DYSF: variants seen among roughly 807,000 people sequenced by gnomAD.
DYSF encodes dystrophy-associated fer-1-like 1.
A neutral mutation model predicts 274.9 loss-of-function variants in DYSF; 212 were observed. That is an observed-to-expected ratio of 0.77 (90% confidence interval 0.69 to 0.86). The LOEUF (loss-of-function observed/expected upper bound fraction) is 0.86, where lower values mean the gene tolerates loss of function less well. Among genes scored for constraint, DYSF ranks in the 40% least tolerant of loss-of-function variants. The pLI is 0.00. For synonymous variants in DYSF, 1,091 were observed against 1,078.7 expected (o/e 1.01, Z -0.22); for missense variants, 2,666 against 2,783.2 (o/e 0.96, Z 0.95).
At position 71,471,965 on chromosome 2, in the gene DYSF, CA is replaced by C. The variant is rs764571920; in HGVS notation, c.91+5037del. The stretch of plus-strand genomic sequence containing the variant: ...TGGATGACAGAATGAGACTCAGTCT[CA>C]AAAACATCAATTAATTAATTAAAAA... On this transcript the variant is annotated intron_variant, in intron 1 of 55. Transcript: ENST00000410020. Among the ~76,000 whole-genome samples, 288 of 152,180 alleles carry C rather than the reference CA, an allele frequency of 1.9e-3. 4 individuals carry two copies. The highest frequency in any genetic ancestry group is 3.8e-4 in the Non-Finnish European group (26 of 67,998).
At chr2:71,566,720 C>G (rs531442892) in intron 24 of DYSF, among the ~76,000 whole-genome samples, 1 of 151,860 alleles carries the variant, frequency 6.6e-6, no homozygotes, top group African/African-American at 2.4e-5. Context: ...GTTAACCACC[C>G]GGGGGAGAGG....
At chr2:71,462,732 G>A (rs952554012), upstream of DYSF, among the ~76,000 whole-genome samples, 1 of 152,256 alleles carries the variant, frequency 6.6e-6, no homozygotes, top group Non-Finnish European at 1.5e-5. Flanking sequence ...CAGCAGAGAG[G>A]AGACCCACAT....
chr2:71,539,290 C>A, intron 17 of DYSF, 51 bp downstream of exon 17: 1 of 1,483,896 alleles, frequency 6.7e-7, no homozygotes, highest in Non-Finnish European at 9.4e-7. Flanking sequence ...CTCCCCCGTA[C>A]CCCCTCTATC....
chr2:71,477,857 G>A (rs943286066), intron 1 of DYSF, among the ~76,000 whole-genome samples: 3 of 152,198 alleles, frequency 2.0e-5, no homozygotes, highest in Admixed American at 6.5e-5. Flanking sequence ...TTATCTGAAA[G>A]TGTATTAAAA....
At chr2:71,538,577 G>A (rs2089618250) in intron 16 of DYSF, among the ~76,000 whole-genome samples, 1 of 152,196 alleles carries the variant, frequency 6.6e-6, no homozygotes, top group Non-Finnish European at 1.5e-5. Context: ...AATAATAAAA[G>A]TGCTTGTTTC....
intron 9 of DYSF, 25 bp downstream of exon 9, chr2:71,516,267 C>T (rs2086640853): frequency 1.2e-6 from 2 of 1,611,128 alleles, no homozygotes; most frequent in East Asian, 4.5e-5. Context: ...TCAAAGTGTT[C>T]TCCGTGGGCT....
chr2:71,571,625 T>A (rs1574075452), intron 29 of DYSF, among the ~76,000 whole-genome samples: 2 of 89,612 alleles, frequency 2.2e-5, no homozygotes, highest in African/African-American at 9.6e-5. Flanking sequence ...CACACACAGA[T>A]CACACCCAGC....
At chr2:71,609,731 A>G (rs962252033) in intron 36 of DYSF, among the ~76,000 whole-genome samples, 5 of 152,334 alleles carry the variant, frequency 3.3e-5, no homozygotes, top group Middle Eastern at 6.8e-3. Context: ...TGGGGGAAAC[A>G]TGGTGTCATC....
intron 38 of DYSF, 76 bp downstream of exon 38, chr2:71,611,702 G>T (rs1337151466): frequency 1.8e-5 from 28 of 1,551,404 alleles, no homozygotes; most frequent in Middle Eastern, 2.2e-4. Context: ...GCAGCCTGGG[G>T]CTTGTGCTCC....
chr2:71,600,720 G>C lies in DYSF; in HGVS notation c.3775G>C (p.Gly1259Arg). ...GGTCTAGGGTGCAGACGAGTTTATG[G>C]GTCGCTGCATCTGTCAACCGAGTCT... ...HDTYGADEFMGRCICQPSLER... is the reference protein window; with the variant it reads ...HDTYGADEFMRRCICQPSLER... The change falls in exon 34 of 56, where the codon GGT (glycine) becomes CGT (arginine). Residue 1259 changes from glycine (G) to arginine (R), a missense_variant. Transcript: ENST00000410020. 6 of 1,614,106 alleles carry C rather than the reference G, an allele frequency of 3.7e-6. No homozygotes were observed. The highest frequency in any genetic ancestry group is 5.1e-6 in the Non-Finnish European group (6 of 1,180,034).
intron 14 of DYSF, among the ~76,000 whole-genome samples, chr2:71,532,696 T>G (rs2088869244): frequency 6.6e-6 from 1 of 152,184 alleles, no homozygotes; most frequent in Admixed American, 6.5e-5. Context: ...CCTATGTGTG[T>G]GTTGGGGCAG....
At chr2:71,618,432 GGGGT>G (rs1558640176) in intron 40 of DYSF, among the ~76,000 whole-genome samples, 139 of 26,828 alleles carry the variant, frequency 5.2e-3, no homozygotes, top group East Asian at 0.012. Flanking sequence ...TGGTAGAGGT[GGGGT>G]GTGTGTGGTA....
At chr2:71,658,705 A>G (rs1289462120) in intron 43 of DYSF, among the ~76,000 whole-genome samples, 173 bp from the exon 44 acceptor site, 2 of 152,192 alleles carry the variant, frequency 1.3e-5, no homozygotes, top group Non-Finnish European at 2.9e-5. Context: ...TACTATCACG[A>G]GAATAGCATG....
rs1303504487 is a variant in DYSF, at chr2:71,602,771, G to T, written c.3928-5G>T. ...GATGTGCCACATCCCATGGCTGTGG[G>T]CCAGGTGCAGGAGACATCAAGGATC... is the stretch of plus-strand genomic sequence containing the variant. On this transcript the variant is annotated splice_polypyrimidine_tract_variant and splice_region_variant and intron_variant, in intron 35 of 55. Coordinates refer to ENST00000410020, the MANE Select transcript of DYSF (RefSeq NM_001130987.2). 6.2e-7 allele frequency: 1 copy of T among 1,613,054 alleles called. No individual in the cohort carries two copies. The highest frequency in any genetic ancestry group is 1.3e-5 in the African/African-American group (1 of 75,026).
At chr2:71,587,546 A>G (rs2093111567) in intron 30 of DYSF, among the ~76,000 whole-genome samples, 1 of 152,214 alleles carries the variant, frequency 6.6e-6, no homozygotes, top group Non-Finnish European at 1.5e-5. Context: ...TTGATAGCTA[A>G]CATTTCTTGA....
chr2:71,521,654 C>T (rs2087284308), intron 12 of DYSF, among the ~76,000 whole-genome samples: 1 of 152,102 alleles, frequency 6.6e-6, no homozygotes, highest in Non-Finnish European at 1.5e-5. Flanking sequence ...GAGGACAGGG[C>T]CCCTGGGGTC....
chr2:71,553,512 C>T (rs1386391501), intron 20 of DYSF, among the ~76,000 whole-genome samples: 1 of 152,218 alleles, frequency 6.6e-6, no homozygotes, highest in East Asian at 1.9e-4. Context: ...AACATCTCCT[C>T]AGTTTTGACA....
Position 71,682,692 on chromosome 2 carries a change from C to T in DYSF, c.6321+15C>T, listed in dbSNP as rs2559082. 0.21 allele frequency: 345,702 copies of T among 1,611,110 alleles called. 38,726 individuals carry two copies. The highest frequency in any genetic ancestry group is 0.23 in the South Asian group (21,040 of 90,806). On this transcript the variant is annotated intron_variant, in intron 55 of 55. Transcript: ENST00000410020. Reference sequence around the variant, plus strand: ...ACGCCTTCCCGGTGAGCAGGCCTGACGACACTGTGGTGGGGGAACTCTGGG... The same window carrying T: ...ACGCCTTCCCGGTGAGCAGGCCTGATGACACTGTGGTGGGGGAACTCTGGG...
chr2:71,660,460 A>T, intron 44 of DYSF, 100 bp from the exon 45 acceptor site: 1 of 1,009,962 alleles, frequency 9.9e-7, no homozygotes, highest in Non-Finnish European at 1.6e-6. Context: ...CAACTTCCTG[A>T]TGGCTGCTCC....
Sources: allele counts gnomAD v4.1 joint callset (sites outside exome capture counted in the v4.1 genomes callset), GRCh38; gene constraint gnomAD v4.1.1; transcripts MANE v1.5; gene names NCBI Gene and HGNC (gene_info 2026-07-23, HGNC 2026-07-21).